SGCZ: variants seen among roughly 807,000 people sequenced by gnomAD.
The protein encoded by SGCZ is zeta-sarcoglycan.
In SGCZ, 40 loss-of-function variants were observed where a neutral mutation model predicts 41.3. That is an observed-to-expected ratio of 0.97 (90% CI 0.75 to 1.26). SGCZ has a LOEUF of 1.26. Among genes scored for constraint, SGCZ ranks in the 50% most tolerant of loss-of-function variants. SGCZ has a pLI of 0.00. For synonymous variants in SGCZ, 206 were observed against 137.5 expected (o/e 1.50, Z -3.49); for missense variants, 552 against 369.8 (o/e 1.49, Z -4.04).
At chr8:14,447,614 C>G (rs1410213153) in intron 2 of SGCZ, among the ~76,000 whole-genome samples, 3 of 152,070 alleles carry the variant, frequency 2.0e-5, no homozygotes, top group Non-Finnish European at 2.9e-5. Flanking sequence ...CTCCCCATAA[C>G]CTAAACACAT....
chr8:14,225,454 G>C (rs968198814), intron 4 of SGCZ, among the ~76,000 whole-genome samples: 1 of 148,972 alleles, frequency 6.7e-6, no homozygotes, highest in Non-Finnish European at 1.5e-5. Flanking sequence ...TGAGATAAAT[G>C]ACCACTTAGT....
At position 14,682,579 on chromosome 8, in the gene SGCZ, C is replaced by T. The variant is rs182866976; in HGVS notation, c.40-127653G>A. ...CCTCCTGAGTAGCTGGGACTACAGGCGCCCACCACCACGCCCGGCTAATTT... is the reference window on the plus strand; with the variant it reads ...CCTCCTGAGTAGCTGGGACTACAGGTGCCCACCACCACGCCCGGCTAATTT... On this transcript the variant is annotated intron_variant, in intron 1 of 7. Transcript: ENST00000382080. Among the ~76,000 whole-genome samples, 1,203 of 151,974 alleles carry T rather than the reference C, an allele frequency of 7.9e-3. 6 individuals carry two copies. The highest frequency in any genetic ancestry group is 0.014 in the Admixed American group (216 of 15,252).
intron 1 of SGCZ, among the ~76,000 whole-genome samples, chr8:14,636,517 G>C (rs913522347): frequency 6.6e-6 from 1 of 151,844 alleles, no homozygotes; most frequent in African/African-American, 2.4e-5. Flanking sequence ...AGAGGCAATA[G>C]AAAAATCTAT....
intron 1 of SGCZ, among the ~76,000 whole-genome samples, chr8:14,887,170 AAGG>A (rs1483347614): frequency 6.6e-6 from 1 of 152,144 alleles, no homozygotes; most frequent in Non-Finnish European, 1.5e-5. Flanking sequence ...TCTGGATTCA[AAGG>A]AGAAGTCTTC....
intron 1 of SGCZ, among the ~76,000 whole-genome samples, chr8:14,839,357 G>A (rs1387169664): frequency 6.6e-6 from 1 of 152,022 alleles, no homozygotes; most frequent in East Asian, 1.9e-4. Context: ...CCATTGTGTG[G>A]GCATACATGA....
chr8:14,204,818 C>T (rs1022434591), intron 4 of SGCZ, among the ~76,000 whole-genome samples: 2 of 152,166 alleles, frequency 1.3e-5, no homozygotes, highest in South Asian at 2.1e-4. Context: ...CACCAGTTCA[C>T]GCTATCTTCA....
chr8:14,672,971 G>C (rs1281165740), intron 1 of SGCZ, among the ~76,000 whole-genome samples: 5 of 152,194 alleles, frequency 3.3e-5, no homozygotes, highest in Non-Finnish European at 7.3e-5. Context: ...TGGAAAGAAA[G>C]CAGTGTTGCT....
At chr8:15,139,892 G>C (rs1808257891) in intron 1 of SGCZ, among the ~76,000 whole-genome samples, 1 of 152,106 alleles carries the variant, frequency 6.6e-6, no homozygotes, top group African/African-American at 2.4e-5. Context: ...CATCTAAACA[G>C]CCACTGTCAA....
At chr8:14,772,358 T>C (rs922370456) in intron 1 of SGCZ, among the ~76,000 whole-genome samples, 3 of 152,138 alleles carry the variant, frequency 2.0e-5, no homozygotes, top group African/African-American at 7.2e-5. Context: ...CTTTAAAAGT[T>C]TGTATGAAAT....
At chr8:14,338,942 G>A (rs940124233) in intron 2 of SGCZ, among the ~76,000 whole-genome samples, 1 of 152,156 alleles carries the variant, frequency 6.6e-6, no homozygotes, top group African/African-American at 2.4e-5. Flanking sequence ...GCCTGGACAA[G>A]TGCACAGACA....
At chr8:15,098,729 A>G (rs1806483020) in intron 1 of SGCZ, among the ~76,000 whole-genome samples, 1 of 152,206 alleles carries the variant, frequency 6.6e-6, no homozygotes, top group African/African-American at 2.4e-5. Flanking sequence ...TGTGGTACTC[A>G]ATAAATACTT....
chr8:14,676,865 C>T (rs557396336), intron 1 of SGCZ, among the ~76,000 whole-genome samples: 23 of 152,166 alleles, frequency 1.5e-4, no homozygotes, highest in Middle Eastern at 3.4e-3. Flanking sequence ...CCATACTTAA[C>T]GGCTAGAAAC....
chr8:14,904,857 TTTA>T (rs1245223684), intron 1 of SGCZ, among the ~76,000 whole-genome samples: 1 of 151,976 alleles, frequency 6.6e-6, no homozygotes, highest in Non-Finnish European at 1.5e-5. Context: ...TTTATGATGT[TTTA>T]TTATTATTTC....
At chr8:14,532,220 G>A (rs1239173540) in intron 2 of SGCZ, among the ~76,000 whole-genome samples, 1 of 150,154 alleles carries the variant, frequency 6.7e-6, no homozygotes, top group Non-Finnish European at 1.5e-5. Flanking sequence ...TGATAGAGAA[G>A]AAATTAATTT....
chr8:15,097,857 CGTGTGTGTGTATATATAT>C (rs1806425175), intron 1 of SGCZ, among the ~76,000 whole-genome samples: 1 of 39,442 alleles, frequency 2.5e-5, no homozygotes, highest in African/African-American at 1.0e-4. Flanking sequence ...TATATATATA[CGTGTGTGTGTATATATAT>C]ATATATACGT....
At chr8:14,101,032 C>T (rs1802004077) in intron 7 of SGCZ, among the ~76,000 whole-genome samples, 1 of 151,734 alleles carries the variant, frequency 6.6e-6, no homozygotes, top group African/African-American at 2.4e-5. Flanking sequence ...AATATATAGA[C>T]TAGCATATAA....
intron 1 of SGCZ, among the ~76,000 whole-genome samples, chr8:14,876,131 C>T (rs577921754): frequency 5.3e-5 from 8 of 152,118 alleles, no homozygotes; most frequent in Admixed American, 2.0e-4. Flanking sequence ...ATAGAGAGAT[C>T]GGACTGCCTA....
At chr8:15,157,936 G>A (rs913770635) in intron 1 of SGCZ, among the ~76,000 whole-genome samples, 2 of 152,074 alleles carry the variant, frequency 1.3e-5, no homozygotes, top group Non-Finnish European at 1.5e-5. Flanking sequence ...TCGGCCTTCC[G>A]CAGGTCCATT....
chr8:14,429,881 G>C (rs1179034796), intron 2 of SGCZ, among the ~76,000 whole-genome samples: 1 of 151,930 alleles, frequency 6.6e-6, no homozygotes, highest in Non-Finnish European at 1.5e-5. Context: ...CCTGATATAA[G>C]CTAGGAAGTT....
Sources: gnomAD v4.1 joint callset for allele counts (sites outside exome capture counted in the v4.1 genomes callset) on GRCh38, gnomAD v4.1.1 for gene constraint, MANE v1.5 for transcripts, NCBI Gene and HGNC (gene_info 2026-07-23, HGNC 2026-07-21) for gene names.